The following SPTBN1 variants were observed in gnomAD, a reference collection of about 807,000 sequenced individuals.
SPTBN1 encodes the protein spectrin beta chain, non-erythrocytic 1.
In SPTBN1, 32 loss-of-function variants were observed where a neutral mutation model predicts 266.4. The observed-to-expected ratio is 0.12, with a 90% CI of 0.09 to 0.16. The LOEUF is 0.16. Ranked by LOEUF, SPTBN1 falls within the 10% of genes least tolerant of loss-of-function variation. The pLI, the probability that SPTBN1 is intolerant of heterozygous loss-of-function variation, is 1.00. For missense variants in SPTBN1, 2,296 were observed against 3,067.1 expected (o/e 0.75, Z 5.94); for synonymous variants, 1,336 against 1,162.2 (o/e 1.15, Z -3.04).
rs201530152 is a variant in SPTBN1 at position 54,479,333 on chromosome 2, A to T, written c.-48+22815A>T. The stretch of plus-strand genomic sequence containing the variant: ...AATCTAAGGTATGATTGGTAAAATT[A>T]AATAAATAAATCCCATTGTTCCAGT... On this transcript the variant is annotated intron_variant, in intron 1 of 35. Coordinates refer to ENST00000356805, the MANE Select transcript of SPTBN1 (RefSeq NM_003128.3). 2.6e-4 allele frequency among the ~76,000 whole-genome samples: 40 copies of T among 152,364 alleles called. No individual in the cohort carries two copies. In the East Asian group the frequency reaches 6.9e-3, roughly 26 times the overall value.
chr2:54,655,440 C>T (rs752053753), intron 28 of SPTBN1, among the ~76,000 whole-genome samples: 11 of 152,178 alleles, frequency 7.2e-5, no homozygotes, highest in Admixed American at 4.6e-4. Context: ...AAATGGACTC[C>T]GCATCCTCCC....
chr2:54,572,088 C>T (rs1414148632), intron 2 of SPTBN1, among the ~76,000 whole-genome samples: 1 of 151,874 alleles, frequency 6.6e-6, no homozygotes, highest in East Asian at 1.9e-4. Context: ...TAGGACTCTG[C>T]TGGGTGCTGG....
chr2:54,472,858 G>C (rs1693999324), intron 1 of SPTBN1, among the ~76,000 whole-genome samples: 1 of 152,202 alleles, frequency 6.6e-6, no homozygotes, highest in African/African-American at 2.4e-5. Context: ...TGAAAACAGT[G>C]AGTTACATGT....
intron 18 of SPTBN1, among the ~76,000 whole-genome samples, chr2:54,639,570 T>G (rs1679387064): frequency 6.6e-6 from 1 of 152,252 alleles, no homozygotes; most frequent in Admixed American, 6.5e-5. Context: ...GTATTTGAAA[T>G]TTCCAGTCTC....
In SPTBN1 at chr2:54,529,061, G is replaced by A. The variant is rs1253182743; in HGVS notation, c.148+2495G>A. 3.9e-5 allele frequency among the ~76,000 whole-genome samples: 6 copies of A among 152,224 alleles called. No individual in the cohort carries two copies. The East Asian group carries it at 9.6e-4, about 24-fold the overall frequency. ...GCAGGAGTTACAGAACAATTCAGTA[G>A]TGTCTGGAATAGAACAGTGGTTTGA... On this transcript the variant is annotated intron_variant, in intron 2 of 35. Coordinates refer to ENST00000356805, the MANE Select transcript of SPTBN1 (RefSeq NM_003128.3).
intron 3 of SPTBN1, among the ~76,000 whole-genome samples, chr2:54,600,503 T>G (rs1173632524): frequency 6.6e-6 from 1 of 152,164 alleles, no homozygotes; most frequent in Non-Finnish European, 1.5e-5. Flanking sequence ...ATTTGTGGTC[T>G]GGGGGTGAGG....
chr2:54,660,815 C>G, intron 32 of SPTBN1: 1 of 985,452 alleles, frequency 1.0e-6, no homozygotes, highest in African/African-American at 1.7e-5. Flanking sequence ...CTGCCGCCAC[C>G]TCTGTCTCGC....
intron 2 of SPTBN1, among the ~76,000 whole-genome samples, chr2:54,583,355 A>C (rs7586066): frequency 6.6e-6 from 1 of 152,162 alleles, no homozygotes; most frequent in East Asian, 1.9e-4. Context: ...TAGTAGAGCA[A>C]TTTAAAACCT....
intron 2 of SPTBN1, among the ~76,000 whole-genome samples, chr2:54,536,884 T>A (rs1671638201): frequency 6.6e-6 from 1 of 151,708 alleles, no homozygotes; most frequent in Non-Finnish European, 1.5e-5. Flanking sequence ...GTAAAAAAAA[T>A]TAGCTGAACA....
chr2:54,615,863 C>G (rs1215266603), intron 4 of SPTBN1, among the ~76,000 whole-genome samples: 5 of 152,186 alleles, frequency 3.3e-5, no homozygotes, highest in African/African-American at 2.4e-5. Flanking sequence ...AAACCGAACT[C>G]AGTATTTTTC....
intron 32 of SPTBN1, chr2:54,661,537 A>G (rs1572778196): frequency 2.0e-6 from 2 of 985,696 alleles, no homozygotes; most frequent in Non-Finnish European, 1.2e-6. Context: ...AGATGGGTAT[A>G]TAGATAGATG....
At chr2:54,467,137 T>A (rs1693678672) in intron 1 of SPTBN1, among the ~76,000 whole-genome samples, 1 of 151,854 alleles carries the variant, frequency 6.6e-6, no homozygotes, top group African/African-American at 2.4e-5. Context: ...TTTGTTCTAG[T>A]GTGTTTGCCT....
intron 1 of SPTBN1, among the ~76,000 whole-genome samples, chr2:54,523,843 A>G (rs886706511): frequency 2.0e-5 from 3 of 152,206 alleles, no homozygotes; most frequent in African/African-American, 4.8e-5. Flanking sequence ...TGCACACTGA[A>G]CAAGGCTTTC....
chr2:54,614,850 T>C (rs973487088), intron 4 of SPTBN1, among the ~76,000 whole-genome samples: 5 of 151,966 alleles, frequency 3.3e-5, no homozygotes, highest in Non-Finnish European at 7.4e-5. Context: ...GTCTCTAAGT[T>C]TGCCTAGTTT....
chr2:54,661,979 A>G, intron 32 of SPTBN1: 1 of 985,392 alleles, frequency 1.0e-6, no homozygotes, highest in South Asian at 4.7e-5. Context: ...TATTGTTTTG[A>G]GTGATGACGC....
chr2:54,649,753 G>C lies in SPTBN1; in HGVS notation c.5341G>C (p.Asp1781His), dbSNP rs756965888. The change falls in exon 26 of 36, where the codon GAT becomes CAT. Residue 1781 changes from aspartate (D) to histidine (H), a missense_variant. This residue lies in a region of SPTBN1 where 644 missense variants were observed against 745.3 expected (regional missense o/e 0.86). Coordinates refer to ENST00000356805, the MANE Select transcript of SPTBN1 (RefSeq NM_003128.3). This position sits in a 1 kb window ranked among gnomAD's most constrained non-coding sequence, Gnocchi z 6.7. The stretch of plus-strand genomic sequence containing the variant: ...TGCCGCCACCATCGCTGAATGGAAG[G>C]ATGGCCTCAATGAAGCCTGGGCCGA... ...SDAATIAEWK[D>H]GLNEAWADLL... is the part of the protein sequence containing the mutation. 4 of 1,614,174 alleles carry C rather than the reference G, an allele frequency of 2.5e-6. No individual in the cohort carries two copies. The highest frequency in any genetic ancestry group is 3.4e-6 in the Non-Finnish European group (4 of 1,180,034).
intron 1 of SPTBN1, among the ~76,000 whole-genome samples, chr2:54,503,542 GA>G (rs1669389022): frequency 6.6e-6 from 1 of 152,224 alleles, no homozygotes; most frequent in East Asian, 1.9e-4. Flanking sequence ...CCAAGGGTTA[GA>G]AATGAGAAGT....
chr2:54,644,518 A>T lies in SPTBN1; in HGVS notation c.4201A>T (p.Ser1401Cys), dbSNP rs778690354. 5.6e-6 allele frequency: 9 copies of T among 1,614,110 alleles called. No homozygotes were observed. Among genetic ancestry groups the T allele is most frequent in the Non-Finnish European group, 6.8e-6 (8 of 1,179,946 alleles). The change falls in exon 20 of 36, where the codon AGT becomes TGT. Residue 1401 changes from serine to cysteine, a missense_variant. Ser to Cys is a moderately radical substitution (Grantham distance 112, BLOSUM62 -1). Transcript: ENST00000356805. ...AGACAAATGGCTGCACGGCCTGGAG[A>T]GTCAGATTCAGTCTGATGACTATGG... is the stretch of plus-strand genomic sequence containing the variant. ...DLDKWLHGLE[S>C]QIQSDDYGKD...
chr2:54,647,083 A>G, intron 23 of SPTBN1, 48 bp from the exon 24 acceptor site: 1 of 1,613,368 alleles, frequency 6.2e-7, no homozygotes, highest in South Asian at 1.1e-5. Flanking sequence ...CTTAAGGGGT[A>G]GGGCCAGAGG....
Sources: allele counts gnomAD v4.1 joint callset (sites outside exome capture counted in the v4.1 genomes callset), GRCh38; gene constraint gnomAD v4.1.1; regional missense constraint gnomAD v4.1.1; non-coding constraint Gnocchi (gnomAD v3.1); transcripts MANE v1.5; gene names NCBI Gene and HGNC (gene_info 2026-07-23, HGNC 2026-07-21).